Variants in OSCP1 observed in about 807,000 individuals in gnomAD.
OSCP1 encodes the protein protein OSCP1.
Under a neutral mutation model 45.1 loss-of-function variants are expected in OSCP1, and 35 were observed. That is an observed-to-expected ratio of 0.78 (90% CI 0.59 to 1.03). The LOEUF (loss-of-function observed/expected upper bound fraction) is 1.03. Ranked by LOEUF, OSCP1 falls within the 50% of genes least tolerant of loss-of-function variation. The pLI, the probability that OSCP1 is intolerant of heterozygous loss-of-function variation, is 0.00. For synonymous variants in OSCP1, 179 were observed against 180.1 expected (o/e 0.99, Z 0.05); for missense variants, 400 against 470.7 (o/e 0.85, Z 1.39).
chr1:36,435,954 G>C, intron 2 of OSCP1, among the ~76,000 whole-genome samples: 1 of 151,768 alleles, frequency 6.6e-6, no homozygotes, highest in East Asian at 1.9e-4. Flanking sequence ...CTTTCCAAAG[G>C]TAAGTGGCAA....
chr1:36,420,869 C>T (rs567433202), intron 7 of OSCP1, among the ~76,000 whole-genome samples: 29 of 152,238 alleles, frequency 1.9e-4, no homozygotes, highest in African/African-American at 4.1e-4. Context: ...CAGGGATCCA[C>T]GTTTCTCCTC....
intron 4 of OSCP1, 129 bp downstream of exon 4, chr1:36,431,673 T>C: frequency 1.4e-6 from 1 of 710,672 alleles, no homozygotes; most frequent in Non-Finnish European, 2.3e-6. Context: ...TCTTTATCAT[T>C]AGAGAGGCAA....
chr1:36,440,108 T>C lies in OSCP1; in HGVS notation c.113-1198A>G, dbSNP rs185667525. ...ACTTATTAAACATGAGTGGTTATTATTGAAATATAGAAATTCCTTCTTCTT... is the reference window on the plus strand; with the variant it reads ...ACTTATTAAACATGAGTGGTTATTACTGAAATATAGAAATTCCTTCTTCTT... On this transcript the variant is annotated intron_variant, in intron 1 of 9. Coordinates refer to ENST00000235532, the MANE Select transcript of OSCP1 (RefSeq NM_145047.5). Among the ~76,000 whole-genome samples, 213 of 152,372 alleles carry C rather than the reference T, an allele frequency of 1.4e-3. 1 individual carries two copies. The highest frequency in any genetic ancestry group is 4.8e-3 in the African/African-American group (201 of 41,586).
At chr1:36,448,922 G>T (rs1649700081) in intron 1 of OSCP1, among the ~76,000 whole-genome samples, 1 of 152,180 alleles carries the variant, frequency 6.6e-6, no homozygotes, top group South Asian at 2.1e-4. Flanking sequence ...TTAGGCAGGG[G>T]CAAGTTTGGA....
chr1:36,450,207 G>A lies in OSCP1; in HGVS notation c.112+51C>T, dbSNP rs752428300. The stretch of plus-strand genomic sequence containing the variant: ...TGTGGGTGTTAGGGCGATGATGAGA[G>A]GGCCGGGCTGCTGGCTGCGGGTCTG... On this transcript the variant is annotated intron_variant, in intron 1 of 9. Transcript: ENST00000235532. 3 of 1,477,160 alleles carry A rather than the reference G, an allele frequency of 2.0e-6. No individual in the cohort carries two copies. The African/African-American group carries it at 4.2e-5, about 21-fold the overall frequency. The allele number at this position is 1,477,160 out of a possible 1,614,324, so 91.5% of individuals were successfully genotyped here.
chr1:36,431,258 A>G (rs1648348290), intron 4 of OSCP1, among the ~76,000 whole-genome samples: 1 of 152,120 alleles, frequency 6.6e-6, no homozygotes, highest in South Asian at 2.1e-4. Flanking sequence ...GTTGGTAGAC[A>G]AAAGGGTGAG....
At chr1:36,418,916 G>T in intron 9 of OSCP1, 75 bp downstream of exon 9, 1 of 1,240,960 alleles carries the variant, frequency 8.1e-7, no homozygotes. Context: ...GACAGAGCGA[G>T]ACCCTGTCTC....
chr1:36,432,483 A>C lies in OSCP1; in HGVS notation c.374T>G (p.Phe125Cys), dbSNP rs1366897149. Residue 125 changes from phenylalanine (F) to cysteine (C), a missense_variant, in exon 3 of 10, where the codon TTC (phenylalanine) becomes TGC (cysteine). By Grantham distance (205) the Phe-to-Cys change is radical (BLOSUM62 -2). Transcript: ENST00000235532. ...TFNHLDTIKG[F>C]IRDSPTILQQ... ...CAGGATGGTTGGGGAGTCTCGGATGAATCCCTTGATGGTATCCAAGTGATT... is the reference window on the plus strand; with the variant it reads ...CAGGATGGTTGGGGAGTCTCGGATGCATCCCTTGATGGTATCCAAGTGATT... 6.2e-7 allele frequency: 1 copy of C among 1,614,020 alleles called. No homozygotes were observed. The highest frequency in any genetic ancestry group is 1.3e-5 in the African/African-American group (1 of 74,912).
intron 5 of OSCP1, 74 bp downstream of exon 5, chr1:36,423,289 G>T: frequency 8.4e-7 from 1 of 1,187,584 alleles, no homozygotes; most frequent in Non-Finnish European, 1.3e-6. Flanking sequence ...TTGGCAGTGC[G>T]GCATTCCGTG....
chr1:36,442,091 G>A (rs1361367993), intron 1 of OSCP1, among the ~76,000 whole-genome samples: 1 of 152,076 alleles, frequency 6.6e-6, no homozygotes, highest in Non-Finnish European at 1.5e-5. Flanking sequence ...GCCAGGCGTG[G>A]TGGCTCATGC....
At chr1:36,422,095 G>GAA in intron 7 of OSCP1, 55 bp downstream of exon 7, 1 of 1,525,236 alleles carries the variant, frequency 6.6e-7, no homozygotes, top group East Asian at 2.2e-5. Flanking sequence ...TCTTTATGTA[G>GAA]ACTTCCGTAT....
intron 6 of OSCP1, 91 bp from the exon 7 acceptor site, chr1:36,422,310 G>C: frequency 8.2e-7 from 1 of 1,216,766 alleles, no homozygotes. Flanking sequence ...CTTTTATTCT[G>C]AGACATTAAA....
At chr1:36,419,220 T>G (rs1043526169) in intron 8 of OSCP1, 166 bp from the exon 9 acceptor site, 17 of 644,688 alleles carry the variant, frequency 2.6e-5, no homozygotes, top group Non-Finnish European at 5.5e-6. Flanking sequence ...ACCTAGAAAG[T>G]CAAGTTCTTT....
chr1:36,425,073 C>T (rs994785609), intron 4 of OSCP1, among the ~76,000 whole-genome samples: 1 of 149,792 alleles, frequency 6.7e-6, no homozygotes. Context: ...CTCACAAGGA[C>T]AAGGCACGAG....
intron 1 of OSCP1, 42 bp from the exon 2 acceptor site, chr1:36,438,952 G>A (rs1227092525): frequency 1.3e-6 from 2 of 1,597,866 alleles, no homozygotes; most frequent in Admixed American, 1.7e-5. Flanking sequence ...AAGTACTGAA[G>A]CAAGCCTATC....
At chr1:36,439,203 A>G (rs1215044642) in intron 1 of OSCP1, among the ~76,000 whole-genome samples, 1 of 152,238 alleles carries the variant, frequency 6.6e-6, no homozygotes, top group Non-Finnish European at 1.5e-5. Context: ...CTTGATGATA[A>G]GAGGAATATT....
intron 2 of OSCP1, among the ~76,000 whole-genome samples, chr1:36,435,338 G>T (rs1648653413): frequency 1.3e-5 from 2 of 151,634 alleles, no homozygotes; most frequent in Admixed American, 6.6e-5. Flanking sequence ...TTAGAGACGG[G>T]TTTTTGCTAT....
At chr1:36,439,484 A>G (rs1480379156) in intron 1 of OSCP1, among the ~76,000 whole-genome samples, 1 of 152,236 alleles carries the variant, frequency 6.6e-6, no homozygotes, top group Non-Finnish European at 1.5e-5. Flanking sequence ...AGCCTAGGCA[A>G]CAGAAGGAGA....
At chr1:36,433,020 A>T (rs1280038889) in intron 2 of OSCP1, among the ~76,000 whole-genome samples, 1 of 152,244 alleles carries the variant, frequency 6.6e-6, no homozygotes, top group Non-Finnish European at 1.5e-5. Context: ...CTGTAAAAAA[A>T]TACTCTCTAA....
Sources: gnomAD v4.1 joint callset for allele counts (sites outside exome capture counted in the v4.1 genomes callset) on GRCh38, gnomAD v4.1.1 for gene constraint, MANE v1.5 for transcripts, NCBI Gene and HGNC (gene_info 2026-07-23, HGNC 2026-07-21) for gene names.